MAF: variants seen among roughly 807,000 people sequenced by gnomAD.
The protein encoded by MAF is MAF bZIP transcription factor.
In MAF, 10 loss-of-function variants were observed where a neutral mutation model predicts 22.0. The ratio of observed to expected loss-of-function variants is 0.45; its 90% CI spans 0.28 to 0.77. The LOEUF (loss-of-function observed/expected upper bound fraction) is 0.77, where lower values mean the gene tolerates loss of function less well. Ranked by LOEUF, MAF falls within the 30% of genes least tolerant of loss-of-function variation. The probability of loss-of-function intolerance (pLI) is 0.12; values close to 1 mark genes in which losing one functional copy is unlikely to be tolerated. For synonymous variants in MAF, 337 were observed against 255.8 expected (o/e 1.32, Z -3.03); for missense variants, 544 against 548.4 (o/e 0.99, Z 0.08).
At chr16:79,412,873 T>G in the MAF span, among the ~76,000 whole-genome samples, 2 of 152,212 alleles carry the variant, frequency 1.3e-5, no homozygotes, top group Non-Finnish European at 2.9e-5. Flanking sequence ...TCAGTGCTTG[T>G]CCTGAAATCT....
the MAF span, among the ~76,000 whole-genome samples, chr16:79,520,213 G>A: frequency 6.6e-6 from 1 of 152,126 alleles, no homozygotes; most frequent in Non-Finnish European, 1.5e-5. Flanking sequence ...TAGCAGCTGG[G>A]GCCATCTTAT....
intron 1 of MAF, chr16:79,597,311 T>C: frequency 9.6e-7 from 1 of 1,041,014 alleles, no homozygotes; most frequent in South Asian, 4.6e-5. Flanking sequence ...TTAAATTATA[T>C]ACTAGAAACC....
At chr16:79,502,710 T>C in the MAF span, among the ~76,000 whole-genome samples, 1 of 16,596 alleles carries the variant, frequency 6.0e-5, no homozygotes, top group Non-Finnish European at 1.2e-4. Context: ...TAAATATAAA[T>C]ATATATATAT....
the MAF span, among the ~76,000 whole-genome samples, chr16:79,208,309 T>C: frequency 1.3e-5 from 2 of 151,996 alleles, no homozygotes; most frequent in Non-Finnish European, 2.9e-5. Context: ...TGCTGCGGGA[T>C]AGACACCTCC....
chr16:79,483,482 G>A, the MAF span, among the ~76,000 whole-genome samples: 1 of 151,232 alleles, frequency 6.6e-6, no homozygotes, highest in African/African-American at 2.4e-5. Flanking sequence ...GACAGGCCCG[G>A]AGGGGAAGCA....
the MAF span, among the ~76,000 whole-genome samples, chr16:79,279,175 A>G: frequency 6.6e-6 from 1 of 152,034 alleles, no homozygotes; most frequent in Non-Finnish European, 1.5e-5. Context: ...CGCACATAGG[A>G]AATGGTAGAA....
the MAF span, among the ~76,000 whole-genome samples, chr16:79,502,708 A>ATAC: frequency 0.044 from 1,468 of 33,690 alleles, 88 homozygotes; most frequent in Non-Finnish European, 0.067. Flanking sequence ...TATAAATATA[A>ATAC]ATATATATAT....
chr16:79,490,911 A>G, the MAF span, among the ~76,000 whole-genome samples: 1 of 152,122 alleles, frequency 6.6e-6, no homozygotes, highest in Non-Finnish European at 1.5e-5. Flanking sequence ...GGGGTGATTT[A>G]CTGAGGATGT....
chr16:79,252,920 G>C, the MAF span, among the ~76,000 whole-genome samples: 2 of 152,160 alleles, frequency 1.3e-5, no homozygotes, highest in East Asian at 3.9e-4. Flanking sequence ...AGGGATAGAT[G>C]GGAACTCCGT....
At chr16:79,430,302 G>T in the MAF span, among the ~76,000 whole-genome samples, 1 of 152,258 alleles carries the variant, frequency 6.6e-6, no homozygotes, top group African/African-American at 2.4e-5. Flanking sequence ...CCAGCTTGAA[G>T]TCCTCAGGGC....
the MAF span, among the ~76,000 whole-genome samples, chr16:79,396,780 G>A: frequency 6.6e-6 from 1 of 152,190 alleles, no homozygotes; most frequent in African/African-American, 2.4e-5. Context: ...TTAGTTCTGG[G>A]GTGCAACCCC....
chr16:79,271,408 G>T, the MAF span, among the ~76,000 whole-genome samples: 1 of 152,166 alleles, frequency 6.6e-6, no homozygotes, highest in Non-Finnish European at 1.5e-5. Context: ...TGGTGCAGCT[G>T]CACAAATGCC....
At chr16:79,503,840 G>A in the MAF span, among the ~76,000 whole-genome samples, 1 of 152,080 alleles carries the variant, frequency 6.6e-6, no homozygotes, top group Admixed American at 6.5e-5. Context: ...GTGTAATTCT[G>A]TCATTATCTT....
the MAF span, among the ~76,000 whole-genome samples, chr16:79,367,628 G>A: frequency 1.3e-5 from 2 of 152,208 alleles, no homozygotes; most frequent in African/African-American, 4.8e-5. Context: ...TGCTGTCCAA[G>A]ATGGTAGCTA....
chr16:79,569,346 C>T, the MAF span, among the ~76,000 whole-genome samples: 5 of 152,216 alleles, frequency 3.3e-5, no homozygotes, highest in Non-Finnish European at 7.3e-5. Context: ...GGAGCAGCAT[C>T]CTCCAGTTGA....
chr16:79,267,592 C>T, the MAF span, among the ~76,000 whole-genome samples: 1 of 152,146 alleles, frequency 6.6e-6, no homozygotes, highest in Non-Finnish European at 1.5e-5. Context: ...GCGGACAGTG[C>T]AGAGGCACTA....
the MAF span, among the ~76,000 whole-genome samples, chr16:79,576,398 C>A: frequency 6.6e-6 from 1 of 152,130 alleles, no homozygotes; most frequent in African/African-American, 2.4e-5. Flanking sequence ...TCCTTCCCCA[C>A]GGAGGGTCGT....
At chr16:79,428,191 G>A in the MAF span, among the ~76,000 whole-genome samples, 1 of 151,004 alleles carries the variant, frequency 6.6e-6, no homozygotes, top group Admixed American at 6.6e-5. Context: ...GAAATAGATG[G>A]AGTGTCTTTC....
chr16:79,313,712 C>T, the MAF span, among the ~76,000 whole-genome samples: 65 of 152,202 alleles, frequency 4.3e-4, 2 homozygotes, highest in East Asian at 8.1e-3. Flanking sequence ...AACCCTAAGC[C>T]CCAGTCTCAG....
Sources: gnomAD v4.1 joint callset for allele counts (sites outside exome capture counted in the v4.1 genomes callset) on GRCh38, gnomAD v4.1.1 for gene constraint, MANE v1.5 for transcripts, NCBI Gene and HGNC (gene_info 2026-07-23, HGNC 2026-07-21) for gene names.